Variants in MCU observed in about 807,000 individuals in gnomAD.
MCU encodes calcium uniporter protein, mitochondrial.
A neutral mutation model predicts 45.2 loss-of-function variants in MCU; 12 were observed. The observed-to-expected ratio is 0.27, with a 90% confidence interval of 0.17 to 0.43. The LOEUF (loss-of-function observed/expected upper bound fraction) is 0.43. Among genes scored for constraint, MCU ranks in the 20% least tolerant of loss-of-function variants. The pLI is 1.00. For synonymous variants in MCU, 160 were observed against 165.1 expected, an observed-to-expected ratio of 0.97 and a Z score of 0.24; for missense variants, 324 against 436.7, an observed-to-expected ratio of 0.74 and a Z score of 2.30.
intron 6 of MCU, among the ~76,000 whole-genome samples, chr10:72,872,251 T>C (rs1024569894): frequency 6.6e-6 from 1 of 152,172 alleles, no homozygotes; most frequent in African/African-American, 2.4e-5. Flanking sequence ...CAAACATGTA[T>C]TATTTTTTTT....
chr10:72,879,684 T>C (rs2132898093), intron 6 of MCU, among the ~76,000 whole-genome samples: 1 of 152,120 alleles, frequency 6.6e-6, no homozygotes, highest in South Asian at 2.1e-4. Flanking sequence ...GAGTGATGAG[T>C]CTAAACTAAT....
chr10:72,868,254 A>G lies in MCU; in HGVS notation c.497-449A>G, dbSNP rs545367332. ...CATTTGTGGACAACTTTTTTGTTTT[A>G]ACAAAAACTATTGGCTGGGCATGGT... On this transcript the variant is annotated intron_variant, in intron 4 of 7. Transcript: ENST00000373053. Among the ~76,000 whole-genome samples, 3 of 152,242 alleles carry G rather than the reference A, an allele frequency of 2.0e-5. No individual in the cohort carries two copies. In the South Asian group the frequency reaches 6.2e-4, roughly 32 times the overall value.
intron 1 of MCU, among the ~76,000 whole-genome samples, chr10:72,713,364 C>T (rs533559468): frequency 6.6e-6 from 1 of 152,272 alleles, no homozygotes; most frequent in South Asian, 2.1e-4. Context: ...ACTGCAACCT[C>T]CACCTCCCAG....
intron 2 of MCU, among the ~76,000 whole-genome samples, chr10:72,835,458 A>C (rs557216911): frequency 2.1e-4 from 32 of 152,346 alleles, no homozygotes; most frequent in African/African-American, 7.7e-4. Flanking sequence ...CATAACAACC[A>C]CTGAAAGAGC....
At chr10:72,882,712 G>A (rs2132903799) in intron 6 of MCU, among the ~76,000 whole-genome samples, 1 of 152,102 alleles carries the variant, frequency 6.6e-6, no homozygotes, top group African/African-American at 2.4e-5. Flanking sequence ...CCCCGGTCCT[G>A]TGGTCCTGTG....
chr10:72,774,532 G>A (rs927919555), intron 1 of MCU, among the ~76,000 whole-genome samples: 5 of 152,224 alleles, frequency 3.3e-5, no homozygotes, highest in African/African-American at 9.6e-5. Context: ...AATGGCAGTC[G>A]TGAGTCCTTA....
chr10:72,870,435 C>T (rs1041522173), intron 5 of MCU, among the ~76,000 whole-genome samples: 4 of 152,104 alleles, frequency 2.6e-5, no homozygotes, highest in East Asian at 1.9e-4. Context: ...CCTGCCACCA[C>T]GCCCGGCTAA....
intron 1 of MCU, among the ~76,000 whole-genome samples, chr10:72,795,130 G>T (rs1457486100): frequency 6.6e-6 from 1 of 151,940 alleles, no homozygotes; most frequent in South Asian, 2.1e-4. Flanking sequence ...TCAAAATTCT[G>T]TCCTAAAATC....
At chr10:72,871,088 T>C (rs1488284314) in intron 5 of MCU, among the ~76,000 whole-genome samples, 1 of 151,978 alleles carries the variant, frequency 6.6e-6, no homozygotes, top group African/African-American at 2.4e-5. Context: ...TTTGTAGAGA[T>C]GGGATTTCGC....
At chr10:72,869,388 C>T (rs1266284688) in intron 5 of MCU, among the ~76,000 whole-genome samples, 1 of 152,214 alleles carries the variant, frequency 6.6e-6, no homozygotes, top group Non-Finnish European at 1.5e-5. Context: ...AATTTGAGAC[C>T]AGCCTGGCCA....
intron 1 of MCU, among the ~76,000 whole-genome samples, chr10:72,768,187 T>A (rs989146095): frequency 6.6e-6 from 1 of 152,194 alleles, no homozygotes; most frequent in African/African-American, 2.4e-5. Context: ...AAAATAAAAT[T>A]GTCATAGAAT....
chr10:72,824,949 TC>T (rs1236933319), intron 1 of MCU, among the ~76,000 whole-genome samples: 1 of 152,154 alleles, frequency 6.6e-6, no homozygotes, highest in African/African-American at 2.4e-5. Flanking sequence ...AGCATTTCTT[TC>T]CCCCTTTTTA....
At chr10:72,818,548 G>A (rs1844659630) in intron 1 of MCU, among the ~76,000 whole-genome samples, 1 of 152,060 alleles carries the variant, frequency 6.6e-6, no homozygotes, top group African/African-American at 2.4e-5. Flanking sequence ...CATAAAAATA[G>A]TACTGACTCA....
chr10:72,842,355 T>A (rs954481313), intron 2 of MCU, among the ~76,000 whole-genome samples: 1 of 152,246 alleles, frequency 6.6e-6, no homozygotes, highest in African/African-American at 2.4e-5. Flanking sequence ...CTTTTGATAT[T>A]GTATTGAGTA....
chr10:72,853,526 G>T (rs1845240617), intron 2 of MCU, among the ~76,000 whole-genome samples: 1 of 152,118 alleles, frequency 6.6e-6, no homozygotes, highest in African/African-American at 2.4e-5. Context: ...ATATCACAAT[G>T]GCCTAACATA....
intron 1 of MCU, among the ~76,000 whole-genome samples, chr10:72,784,721 G>A (rs1331509495): frequency 2.6e-5 from 4 of 152,180 alleles, no homozygotes; most frequent in African/African-American, 7.2e-5. Context: ...GTATGTGTGC[G>A]TGGGTGTGTG....
intron 1 of MCU, among the ~76,000 whole-genome samples, chr10:72,729,608 T>C (rs1843144428): frequency 6.6e-6 from 1 of 152,254 alleles, no homozygotes; most frequent in Admixed American, 6.5e-5. Context: ...TCTTGCTCAC[T>C]CTTTCTCATT....
chr10:72,870,556 A>T (rs998601964), intron 5 of MCU, among the ~76,000 whole-genome samples: 2 of 152,194 alleles, frequency 1.3e-5, no homozygotes, highest in African/African-American at 4.8e-5. Flanking sequence ...TGCTGGGATT[A>T]CAGGCGTGAG....
At chr10:72,814,430 C>G (rs1017403463) in intron 1 of MCU, among the ~76,000 whole-genome samples, 2 of 151,912 alleles carry the variant, frequency 1.3e-5, no homozygotes, top group Non-Finnish European at 2.9e-5. Flanking sequence ...TAAAACCTAT[C>G]AAGCCTATAA....
Sources: gnomAD v4.1 joint callset for allele counts (sites outside exome capture counted in the v4.1 genomes callset) on GRCh38, gnomAD v4.1.1 for gene constraint, MANE v1.5 for transcripts, NCBI Gene and HGNC (gene_info 2026-07-23, HGNC 2026-07-21) for gene names.